PTCD3: variants seen among roughly 807,000 people sequenced by gnomAD.
PTCD3 encodes the protein pentatricopeptide repeat domain 3.
Under a neutral mutation model 101.9 loss-of-function variants are expected in PTCD3, and 89 were observed. The ratio of observed to expected loss-of-function variants is 0.87; its 90% CI spans 0.74 to 1.04. The LOEUF is 1.04. Among genes scored for constraint, PTCD3 ranks in the 50% least tolerant of loss-of-function variants. PTCD3 has a pLI of 0.00. For synonymous variants in PTCD3, 296 were observed against 278.5 expected (o/e 1.06, Z -0.63); for missense variants, 870 against 828.2 (o/e 1.05, Z -0.62).
chr2:86,111,175 GT>G lies in PTCD3; in HGVS notation c.240+26del, dbSNP rs56955251. 7.8e-5 allele frequency: 124 copies of G among 1,593,206 alleles called. No individual in the cohort carries two copies. Among genetic ancestry groups the G allele is most frequent in the East Asian group, 3.6e-4 (16 of 44,496 alleles). On this transcript the variant is annotated intron_variant, in intron 4 of 23. Transcript: ENST00000254630. ...GTAAACAGGGTAAGTAGGATTTTGTGTTTTTTTTTAACCTAAAACTTGGCTA... is the reference window on the plus strand; with the variant it reads ...GTAAACAGGGTAAGTAGGATTTTGTGTTTTTTTTAACCTAAAACTTGGCTA...
intron 4 of PTCD3, among the ~76,000 whole-genome samples, chr2:86,114,052 C>CA (rs932329524): frequency 6.6e-6 from 1 of 151,436 alleles, no homozygotes; most frequent in Non-Finnish European, 1.5e-5. Context: ...ACTTTCAAAT[C>CA]AAAGAAGTTA....
intron 6 of PTCD3, among the ~76,000 whole-genome samples, chr2:86,117,427 A>G (rs539952606): frequency 7.5e-4 from 111 of 148,774 alleles, no homozygotes; most frequent in African/African-American, 2.4e-3. Context: ...TTCCTTCACT[A>G]CCTCTCTATA....
chr2:86,118,800 A>G (rs1190953276), intron 6 of PTCD3, 121 bp from the exon 7 acceptor site: 24 of 1,102,702 alleles, frequency 2.2e-5, no homozygotes, highest in Non-Finnish European at 3.1e-5. Flanking sequence ...GGTGCAGGAA[A>G]CATGAATTGG....
In PTCD3 at chr2:86,139,667, G is replaced by C. The variant is rs998817808; in HGVS notation, c.*2108G>C. 6.6e-6 allele frequency: 1 copy of C among 152,288 alleles called. No individual in the cohort carries two copies. Among genetic ancestry groups the C allele is most frequent in the Non-Finnish European group, 1.5e-5 (1 of 68,158 alleles). The allele number at this position is 152,288 out of a possible 1,614,324, so 9.4% of individuals were successfully genotyped here. A position where few individuals can be genotyped will look rare whatever the true frequency, so the allele number is the denominator to read the frequency against. The stretch of plus-strand genomic sequence containing the variant: ...AGATTTTAATAATTAGTTGGGCGTA[G>C]TGGTGCATGCCTGTAATCCCAGCTA... On this transcript the variant is annotated 3_prime_UTR_variant, in exon 24 of 24. Coordinates refer to ENST00000254630, the MANE Select transcript of PTCD3 (RefSeq NM_017952.6).
In PTCD3 at chr2:86,116,515, A is replaced by G; in HGVS notation, c.241-15A>G. On this transcript the variant is annotated splice_polypyrimidine_tract_variant and intron_variant, in intron 4 of 23. Coordinates refer to ENST00000254630, the MANE Select transcript of PTCD3 (RefSeq NM_017952.6). Reference sequence around the variant, plus strand: ...TCAAAATAAATATAGAAATTGTATTATGTCTTTTCCACAGGATACCACAGC... The same window carrying G: ...TCAAAATAAATATAGAAATTGTATTGTGTCTTTTCCACAGGATACCACAGC... 2.5e-6 allele frequency: 4 copies of G among 1,588,296 alleles called. No individual in the cohort carries two copies. The highest frequency in any genetic ancestry group is 3.5e-6 in the Non-Finnish European group (4 of 1,157,074).
At chr2:86,106,445 G>A (rs1673950203) in intron 1 of PTCD3, 94 bp downstream of exon 1, 1 of 1,316,866 alleles carries the variant, frequency 7.6e-7, no homozygotes, top group Middle Eastern at 2.1e-4. Flanking sequence ...CGATGAAATG[G>A]TTTGCTCATG....
chr2:86,125,065 A>G lies in PTCD3; in HGVS notation c.787A>G (p.Ile263Val), dbSNP rs1280116851. The change falls in exon 10 of 24, where the codon ATC becomes GTC. Residue 263 changes from isoleucine to valine, a missense_variant. Ile to Val is a conservative substitution (Grantham distance 29, BLOSUM62 3). Coordinates refer to ENST00000254630, the MANE Select transcript of PTCD3 (RefSeq NM_017952.6). ...EKNEHSYCTM[I>V]RGMVKHRAYE... Reference sequence around the variant, plus strand: ...AAATGAACATTCCTATTGCACAATGATCCGAGGAATGGTGAAGGTACATTT... The same window carrying G: ...AAATGAACATTCCTATTGCACAATGGTCCGAGGAATGGTGAAGGTACATTT... 2 of 1,613,886 alleles carry G rather than the reference A, an allele frequency of 1.2e-6. No homozygotes were observed. The highest frequency in any genetic ancestry group is 1.3e-5 in the African/African-American group (1 of 74,918).
intron 6 of PTCD3, among the ~76,000 whole-genome samples, chr2:86,117,975 C>T (rs1674206001): frequency 6.6e-6 from 1 of 152,128 alleles, no homozygotes; most frequent in Admixed American, 6.5e-5. Flanking sequence ...CGGGGTTTTA[C>T]CATCTTGGCC....
At chr2:86,126,144 C>T (rs1229942581) in intron 12 of PTCD3, among the ~76,000 whole-genome samples, 1 of 150,196 alleles carries the variant, frequency 6.7e-6, no homozygotes, top group African/African-American at 2.4e-5. Flanking sequence ...GCAAGAGAAT[C>T]TATTGAACCC....
At position 86,123,921 on chromosome 2, in the gene PTCD3, G is replaced by A. The variant is rs137954695; in HGVS notation, c.716+159G>A. On this transcript the variant is annotated intron_variant, in intron 9 of 23. Transcript: ENST00000254630. ...ATTTGTATTCATACACATTTAGACC[G>A]TTTTTCAATAAGGTCTTTATCTCCA... is the stretch of plus-strand genomic sequence containing the variant. 4.2e-3 allele frequency among the ~76,000 whole-genome samples: 642 copies of A among 152,208 alleles called. 5 individuals are homozygous for A. Among genetic ancestry groups the A allele is most frequent in the African/African-American group, 0.014 (582 of 41,534 alleles).
At chr2:86,135,287 T>C (rs1674566419) in intron 21 of PTCD3, 1 of 239,090 alleles carries the variant, frequency 4.2e-6, no homozygotes, top group Non-Finnish European at 8.0e-6. Context: ...CAAAGAAATA[T>C]ATGATCAAAG....
chr2:86,130,244 G>T (rs1242216377), intron 14 of PTCD3, among the ~76,000 whole-genome samples: 2 of 152,010 alleles, frequency 1.3e-5, no homozygotes, highest in Non-Finnish European at 2.9e-5. Context: ...AGGTTGCAGT[G>T]AGCCGAGATT....
chr2:86,127,779 ATT>A, intron 13 of PTCD3, 160 bp from the exon 14 acceptor site: 1 of 630,770 alleles, frequency 1.6e-6, no homozygotes, highest in East Asian at 2.8e-5. Context: ...TTACCTTTAC[ATT>A]AATGAGTTGG....
At chr2:86,125,375 A>T (rs1322457968) in intron 10 of PTCD3, 80 bp from the exon 11 acceptor site, 3 of 1,431,564 alleles carry the variant, frequency 2.1e-6, no homozygotes, top group African/African-American at 2.8e-5. Flanking sequence ...CCTGAGCTAT[A>T]TTACCAAACT....
chr2:86,124,845 GATA>G, intron 9 of PTCD3, 147 bp from the exon 10 acceptor site: 1 of 1,129,152 alleles, frequency 8.9e-7, no homozygotes, highest in Middle Eastern at 3.1e-4. Context: ...TTTTCAAAAT[GATA>G]ATAACCATAA....
At chr2:86,127,866 T>C in intron 13 of PTCD3, 75 bp from the exon 14 acceptor site, 1 of 1,125,364 alleles carries the variant, frequency 8.9e-7, no homozygotes, top group Non-Finnish European at 1.4e-6. Flanking sequence ...ATTCAGTGTG[T>C]CTCAGTAAAC....
chr2:86,121,639 T>C, intron 8 of PTCD3, 45 bp downstream of exon 8: 1 of 1,235,530 alleles, frequency 8.1e-7, no homozygotes, highest in South Asian at 1.3e-5. Context: ...TAAGCTTCTT[T>C]TTGAAGAAAT....
At chr2:86,136,334 C>T (rs1299536265) in intron 21 of PTCD3, among the ~76,000 whole-genome samples, 187 bp from the exon 22 acceptor site, 8 of 148,246 alleles carry the variant, frequency 5.4e-5, no homozygotes, top group African/African-American at 1.8e-4. Context: ...AGTTTAAGCA[C>T]CTGCGGTGAT....
rs1313858437 is a variant in PTCD3 at position 86,141,731 on chromosome 2, C to T, written c.*4172C>T. On this transcript the variant is annotated 3_prime_UTR_variant, in exon 24 of 24. Transcript: ENST00000254630. Reference sequence around the variant, plus strand: ...AAACAGATTGAGGATGAAACCAAGACAGAAGTGATGATTTGGCTTTTTATG... The same window carrying T: ...AAACAGATTGAGGATGAAACCAAGATAGAAGTGATGATTTGGCTTTTTATG... The T allele has an allele frequency of 2.7e-5, 4 of 149,420 alleles. No individual in the cohort carries two copies. The highest frequency in any genetic ancestry group is 1.0e-4 in the African/African-American group (4 of 38,732). The allele number at this position is 149,420 out of a possible 1,614,324, so 9.3% of individuals were successfully genotyped here.
Sources: gnomAD v4.1 joint callset for allele counts (sites outside exome capture counted in the v4.1 genomes callset) on GRCh38, gnomAD v4.1.1 for gene constraint, MANE v1.5 for transcripts, NCBI Gene and HGNC (gene_info 2026-07-23, HGNC 2026-07-21) for gene names.